The following SH3YL1 variants were observed in gnomAD, a reference collection of about 807,000 sequenced individuals.
SH3YL1 encodes SH3 domain-containing YSC84-like protein 1.
In SH3YL1, 41 loss-of-function variants were observed where a neutral mutation model predicts 45.8. The ratio of observed to expected loss-of-function variants is 0.89; its 90% CI spans 0.70 to 1.16. The LOEUF (loss-of-function observed/expected upper bound fraction) is 1.16. SH3YL1 is among the 50% of genes most tolerant of loss of function. The probability of loss-of-function intolerance (pLI) is 0.00; values close to 1 mark genes in which losing one functional copy is unlikely to be tolerated. For missense variants in SH3YL1, 389 were observed against 409.6 expected (o/e 0.95, Z 0.43); for synonymous variants, 152 against 151.4 (o/e 1.00, Z -0.03).
Position 233,238 on chromosome 2 carries a change from C to T in SH3YL1, c.405-9G>A, listed in dbSNP as rs756411873. ...CGTTTCCTTCCAAGTTCCTGCAAAG[C>T]ACAAGATTTTGCATCACAAAGCTGT... is the stretch of plus-strand genomic sequence containing the variant. On this transcript the variant is annotated splice_polypyrimidine_tract_variant and intron_variant, in intron 5 of 9. Transcript: ENST00000356150. 1 of 1,555,650 alleles carries T rather than the reference C, an allele frequency of 6.4e-7. No individual in the cohort carries two copies. Among genetic ancestry groups the T allele is most frequent in the Non-Finnish European group, 8.7e-7 (1 of 1,149,828 alleles).
intron 9 of SH3YL1, among the ~76,000 whole-genome samples, chr2:221,001 G>T (rs187399403): frequency 6.6e-6 from 1 of 152,234 alleles, no homozygotes; most frequent in East Asian, 1.9e-4. Context: ...CAATCGATGT[G>T]CATCTGGGAA....
intron 4 of SH3YL1, 48 bp from the exon 5 acceptor site, chr2:234,320 C>A (rs1668190043): frequency 1.4e-6 from 2 of 1,413,612 alleles, no homozygotes; most frequent in East Asian, 2.3e-5. Context: ...GACTAAATAT[C>A]ATTTAAAATT....
intron 3 of SH3YL1, 115 bp from the exon 4 acceptor site, chr2:247,717 G>A: frequency 3.5e-5 from 24 of 695,202 alleles, no homozygotes; most frequent in East Asian, 8.7e-5. Context: ...AATGAGACTT[G>A]GTATTTCCCC....
chr2:242,557 A>C (rs371538942), intron 4 of SH3YL1, among the ~76,000 whole-genome samples: 1 of 152,320 alleles, frequency 6.6e-6, no homozygotes, highest in East Asian at 1.9e-4. Flanking sequence ...CATAGTACAA[A>C]ATGTTCACTT....
intron 1 of SH3YL1, among the ~76,000 whole-genome samples, chr2:255,270 G>A (rs1412602440): frequency 6.6e-6 from 1 of 152,180 alleles, no homozygotes; most frequent in East Asian, 1.9e-4. Flanking sequence ...CCAATAAAAT[G>A]TGATATATTT....
intron 4 of SH3YL1, among the ~76,000 whole-genome samples, chr2:236,563 TC>T (rs1450627170): frequency 1.3e-5 from 2 of 152,152 alleles, no homozygotes; most frequent in Non-Finnish European, 2.9e-5. Flanking sequence ...CTTGGGCAAA[TC>T]ACTGAGCTGC....
intron 5 of SH3YL1, 89 bp from the exon 6 acceptor site, chr2:233,318 G>C: frequency 7.8e-7 from 1 of 1,288,416 alleles, no homozygotes; most frequent in Non-Finnish European, 1.0e-6. Flanking sequence ...TAGCTCAAAT[G>C]AATTATTTTG....
intron 4 of SH3YL1, among the ~76,000 whole-genome samples, chr2:247,186 G>A (rs1303683064): frequency 2.6e-5 from 4 of 152,220 alleles, no homozygotes; most frequent in Admixed American, 6.5e-5. Context: ...CACTGCCCAC[G>A]TAATTTCAAT....
intron 1 of SH3YL1, chr2:260,348 TGTC>T (rs1200727962): frequency 3.3e-5 from 5 of 152,242 alleles, no homozygotes; most frequent in Non-Finnish European, 5.9e-5. Flanking sequence ...CAGCACAACT[TGTC>T]TGCTTACATT....
intron 1 of SH3YL1, among the ~76,000 whole-genome samples, chr2:255,307 A>G (rs1192604891): frequency 6.6e-6 from 1 of 152,198 alleles, no homozygotes; most frequent in African/African-American, 2.4e-5. Context: ...TGAAACATGT[A>G]ATTTATCTTA....
chr2:245,601 C>T (rs531861871), intron 4 of SH3YL1, among the ~76,000 whole-genome samples: 1 of 152,290 alleles, frequency 6.6e-6, no homozygotes, highest in South Asian at 2.1e-4. Flanking sequence ...TACTTCCTAA[C>T]ATCACAGACT....
intron 4 of SH3YL1, among the ~76,000 whole-genome samples, chr2:244,271 C>G (rs1668683051): frequency 6.6e-6 from 1 of 151,378 alleles, no homozygotes; most frequent in Non-Finnish European, 1.5e-5. Context: ...CCGAGGCAGG[C>G]GGATCACGAG....
chr2:252,966 G>C, intron 2 of SH3YL1, 39 bp downstream of exon 2: 5 of 1,261,276 alleles, frequency 4.0e-6, no homozygotes, highest in Non-Finnish European at 5.6e-6. Flanking sequence ...TTAGGAAAAA[G>C]ACATTTAGAG....
chr2:232,864 ATG>A, intron 6 of SH3YL1: 1 of 270,254 alleles, frequency 3.7e-6, no homozygotes, highest in Non-Finnish European at 6.7e-6. Flanking sequence ...GTAAAGCAAA[ATG>A]TGAATTGTGT....
Position 234,275 on chromosome 2 carries a change from A to G in SH3YL1, c.292-3T>C, listed in dbSNP as rs565395365. ...AGAATTATCACCAAGTCTGATACCT[A>G]AAGTGTAGAAACCCATGGATTTAAA... On this transcript the variant is annotated splice_region_variant and splice_polypyrimidine_tract_variant and intron_variant, in intron 4 of 9. Transcript: ENST00000356150. 1 of 1,600,784 alleles carries G rather than the reference A, an allele frequency of 6.2e-7. No individual in the cohort carries two copies. Among genetic ancestry groups the G allele is most frequent in the East Asian group, 2.2e-5 (1 of 44,836 alleles).
intron 9 of SH3YL1, among the ~76,000 whole-genome samples, chr2:220,109 T>A (rs1045708543): frequency 6.6e-6 from 1 of 150,822 alleles, no homozygotes; most frequent in Non-Finnish European, 1.5e-5. Context: ...TGTGCATAAA[T>A]TAGGCAACTA....
intron 1 of SH3YL1, among the ~76,000 whole-genome samples, chr2:255,548 G>A (rs1485073262): frequency 6.6e-6 from 1 of 152,154 alleles, no homozygotes; most frequent in Non-Finnish European, 1.5e-5. Context: ...AGTGAGCTAT[G>A]ACTGGGCTAC....
At chr2:225,352 C>T (rs773115487) in intron 8 of SH3YL1, among the ~76,000 whole-genome samples, 17 of 152,198 alleles carry the variant, frequency 1.1e-4, no homozygotes, top group Admixed American at 4.6e-4. Context: ...AGAGGCAGAA[C>T]GGTCTGGGGG....
Position 247,521 on chromosome 2 carries a change from G to A in SH3YL1, c.291+17C>T, listed in dbSNP as rs375677617. The stretch of plus-strand genomic sequence containing the variant: ...CAGAGGATATGGCAGTTGTATGGAC[G>A]TGCACAAGCTACTTACCTCAATTCC... On this transcript the variant is annotated intron_variant, in intron 4 of 9. Coordinates refer to ENST00000356150, the MANE Select transcript of SH3YL1 (RefSeq NM_015677.4). 55 of 1,548,062 alleles carry A rather than the reference G, an allele frequency of 3.6e-5. No individual in the cohort carries two copies. The highest frequency in any genetic ancestry group is 4.5e-5 in the Non-Finnish European group (51 of 1,144,258).
Sources: allele counts gnomAD v4.1 joint callset (sites outside exome capture counted in the v4.1 genomes callset), GRCh38; gene constraint gnomAD v4.1.1; transcripts MANE v1.5; gene names NCBI Gene and HGNC (gene_info 2026-07-23, HGNC 2026-07-21).